ZRANB1: variants seen among roughly 807,000 people sequenced by gnomAD.
The protein encoded by ZRANB1 is ubiquitin thioesterase ZRANB1.
In ZRANB1, 16 loss-of-function variants were observed where a neutral mutation model predicts 80.5. That is an observed-to-expected ratio of 0.20 (90% confidence interval 0.13 to 0.30). The LOEUF (loss-of-function observed/expected upper bound fraction) is 0.30, where lower values mean the gene tolerates loss of function less well. Among genes scored for constraint, ZRANB1 ranks in the 10% least tolerant of loss-of-function variants. The pLI is 1.00. For synonymous variants in ZRANB1, 291 were observed against 293.1 expected (o/e 0.99, Z 0.07); for missense variants, 576 against 862.6 (o/e 0.67, Z 4.16).
intron 1 of ZRANB1, among the ~76,000 whole-genome samples, chr10:124,948,246 A>C (rs895961690): frequency 6.6e-6 from 1 of 152,176 alleles, no homozygotes; most frequent in Non-Finnish European, 1.5e-5. Context: ...GATTTTCTTA[A>C]TAACATTTTC....
At chr10:124,941,420 C>G (rs755638203), upstream of ZRANB1, among the ~76,000 whole-genome samples, 13 of 152,152 alleles carry the variant, frequency 8.5e-5, no homozygotes, top group Non-Finnish European at 1.2e-4. Flanking sequence ...GTGGTGCGAT[C>G]TTAGCTCACT....
In ZRANB1 at chr10:124,973,156, T is replaced by G. The variant is rs536538130; in HGVS notation, c.1157-489T>G. Among the ~76,000 whole-genome samples the G allele has an allele frequency of 2.6e-5, 4 of 152,340 alleles. No homozygotes were observed. In the South Asian group the frequency reaches 8.3e-4, roughly 32 times the overall value. ...GATTAGATTTTTAAAAATTTATTTTTTATTTTTATTTTTTGAGACAGGGTC... is the reference window on the plus strand; with the variant it reads ...GATTAGATTTTTAAAAATTTATTTTGTATTTTTATTTTTTGAGACAGGGTC... On this transcript the variant is annotated intron_variant, in intron 3 of 8. Coordinates refer to ENST00000359653, the MANE Select transcript of ZRANB1 (RefSeq NM_017580.3).
chr10:124,979,737 T>G (rs1212063483), intron 5 of ZRANB1, among the ~76,000 whole-genome samples: 1 of 152,246 alleles, frequency 6.6e-6, no homozygotes, highest in Non-Finnish European at 1.5e-5. Context: ...TTTTTGCATG[T>G]GGATACCCAG....
chr10:124,959,526 C>T (rs1002852411), intron 1 of ZRANB1, among the ~76,000 whole-genome samples: 13 of 151,806 alleles, frequency 8.6e-5, no homozygotes, highest in African/African-American at 3.1e-4. Flanking sequence ...AGTGCAGTGA[C>T]ATGATCACGG....
chr10:124,942,089 C>G, upstream of ZRANB1: 1 of 982,018 alleles, frequency 1.0e-6, no homozygotes, highest in Non-Finnish European at 1.2e-6. Context: ...CTACCTTTGT[C>G]TCTTTAAACT....
intron 1 of ZRANB1, among the ~76,000 whole-genome samples, chr10:124,949,975 A>G (rs948549209): frequency 1.4e-4 from 21 of 152,186 alleles, no homozygotes; most frequent in African/African-American, 4.6e-4. Flanking sequence ...ACTGAACCAG[A>G]ATCTCTTCTT....
intron 2 of ZRANB1, among the ~76,000 whole-genome samples, chr10:124,968,925 A>G (rs1412400931): frequency 6.6e-6 from 1 of 152,180 alleles, no homozygotes; most frequent in African/African-American, 2.4e-5. Flanking sequence ...AGAGTTTGTG[A>G]GGGTTAGAAT....
At chr10:124,978,875 C>G (rs1425046789) in intron 5 of ZRANB1, among the ~76,000 whole-genome samples, 1 of 150,472 alleles carries the variant, frequency 6.6e-6, no homozygotes, top group African/African-American at 2.5e-5. Flanking sequence ...AGACTCCCAC[C>G]TCGGCCTCCT....
Position 124,973,665 on chromosome 10 carries a change from A to G in ZRANB1, c.1177A>G (p.Thr393Ala), listed in dbSNP as rs1417646021. 3.7e-6 allele frequency: 6 copies of G among 1,612,712 alleles called. No individual in the cohort carries two copies. Among genetic ancestry groups the G allele is most frequent in the Middle Eastern group, 1.7e-4 (1 of 6,056 alleles). ...TGTAGATATTGAAGATTTGCCCCCAACAGTCCAAGAAAAATTATTTGATGA... is the reference window on the plus strand; with the variant it reads ...TGTAGATATTGAAGATTTGCCCCCAGCAGTCCAAGAAAAATTATTTGATGA... The part of the protein sequence containing the change: ...LPADIEDLPP[T>A]VQEKLFDEVL... The change falls in exon 4 of 9, where the codon ACA (threonine) becomes GCA (alanine). Residue 393 changes from threonine to alanine, a missense_variant. Physicochemically the swap from Thr to Ala is moderately conservative, Grantham distance 58. This residue lies in a region of ZRANB1 where 411 missense variants were observed against 583.1 expected (regional missense o/e 0.70). Coordinates refer to ENST00000359653, the MANE Select transcript of ZRANB1 (RefSeq NM_017580.3).
intron 5 of ZRANB1, among the ~76,000 whole-genome samples, chr10:124,975,637 T>C (rs1238083352): frequency 1.3e-5 from 2 of 152,238 alleles, no homozygotes; most frequent in African/African-American, 2.4e-5. Flanking sequence ...TCTCATTTAG[T>C]TATTACAGGC....
intron 8 of ZRANB1, 37 bp from the exon 9 acceptor site, chr10:124,984,737 G>A (rs1406326659): frequency 6.3e-7 from 1 of 1,598,190 alleles, no homozygotes; most frequent in East Asian, 2.2e-5. Context: ...CTGATCTGTT[G>A]TATGATTTTC....
chr10:124,922,311 ATATGTAAAATATATGTATATATATAT>A, the ZRANB1 span, among the ~76,000 whole-genome samples: 23 of 21,576 alleles, frequency 1.1e-3, no homozygotes, highest in Admixed American at 9.5e-3. Context: ...ATATATATAT[ATATGTAAAATATATGTATATATATAT>A]TTTTTTTTTA....
chr10:124,983,073 C>A lies in ZRANB1; in HGVS notation c.1549-102C>A. 9.7e-6 allele frequency: 12 copies of A among 1,231,582 alleles called. No individual in the cohort carries two copies. Among genetic ancestry groups the A allele is most frequent in the East Asian group, 2.5e-5 (1 of 39,770 alleles). The allele number at this position is 1,231,582 out of a possible 1,614,324, so 76.3% of individuals were successfully genotyped here. A position where few individuals can be genotyped will look rare whatever the true frequency, so the allele number is the denominator to read the frequency against. ...TGACAATCTTTTCTTTCTTAAAAAC[C>A]AACTGCGATAGTATACTGAAGGGGA... On this transcript the variant is annotated intron_variant, in intron 6 of 8. Transcript: ENST00000359653. This position sits in a 1 kb window ranked among gnomAD's most constrained non-coding sequence, Gnocchi z 6.2.
At position 124,970,573 on chromosome 10, in the gene ZRANB1, A is replaced by G. The variant is rs200140561; in HGVS notation, c.1003-1392A>G. Among the ~76,000 whole-genome samples, 5 of 152,158 alleles carry G rather than the reference A, an allele frequency of 3.3e-5. No homozygotes were observed. The East Asian group carries it at 7.7e-4, about 23-fold the overall frequency. The stretch of plus-strand genomic sequence containing the variant: ...CACTGCACCAAGCTGCAGTTTCAGA[A>G]TAGGGAGTCAGGTAACTGTGCTGGG... On this transcript the variant is annotated intron_variant, in intron 2 of 8. Coordinates refer to ENST00000359653, the MANE Select transcript of ZRANB1 (RefSeq NM_017580.3).
chr10:124,962,485 A>C (rs1483221145), intron 1 of ZRANB1: 5 of 815,896 alleles, frequency 6.1e-6, no homozygotes, highest in Non-Finnish European at 5.9e-6. Flanking sequence ...GTCATAAAGG[A>C]AAATAAGGCA....
At chr10:124,949,418 T>TATATGTGTATATATATGTTTACACAC (rs1564957180) in intron 1 of ZRANB1, among the ~76,000 whole-genome samples, 117 of 143,130 alleles carry the variant, frequency 8.2e-4, no homozygotes, top group African/African-American at 2.9e-3. Context: ...TATACACATA[T>TATATGTGTATATATATGTTTACACAC]ATATGTATAT....
intron 1 of ZRANB1, among the ~76,000 whole-genome samples, chr10:124,948,998 GTTTTACTT>G (rs779113893): frequency 6.2e-4 from 94 of 152,270 alleles, no homozygotes; most frequent in Non-Finnish European, 1.1e-3. Context: ...AGGAGAGCCA[GTTTTACTT>G]CTCACTGGTT....
chr10:124,925,000 C>T, the ZRANB1 span, among the ~76,000 whole-genome samples: 3 of 151,882 alleles, frequency 2.0e-5, no homozygotes, highest in Admixed American at 6.6e-5. Context: ...CTCCGCCTCC[C>T]GGGTTCAGGC....
intron 5 of ZRANB1, among the ~76,000 whole-genome samples, chr10:124,978,602 A>G (rs951395196): frequency 6.6e-6 from 1 of 152,028 alleles, no homozygotes; most frequent in Non-Finnish European, 1.5e-5. Context: ...GGGGAAAAAA[A>G]TCAATATAAG....
Sources: allele counts gnomAD v4.1 joint callset (sites outside exome capture counted in the v4.1 genomes callset), GRCh38; gene constraint gnomAD v4.1.1; regional missense constraint gnomAD v4.1.1; non-coding constraint Gnocchi (gnomAD v3.1); transcripts MANE v1.5; gene names NCBI Gene and HGNC (gene_info 2026-07-23, HGNC 2026-07-21).